The following LCMT1 variants were observed in gnomAD, a reference collection of about 807,000 sequenced individuals.
LCMT1 encodes [Phosphatase 2A protein]-leucine-carboxy methyltransferase 1.
A neutral mutation model predicts 47.7 loss-of-function variants in LCMT1; 32 were observed. The ratio of observed to expected loss-of-function variants is 0.67; its 90% CI spans 0.51 to 0.90. The LOEUF (loss-of-function observed/expected upper bound fraction) is 0.90. Among genes scored for constraint, LCMT1 ranks in the 40% least tolerant of loss-of-function variants. The pLI is 0.00. For synonymous variants in LCMT1, 152 were observed against 149.7 expected, an observed-to-expected ratio of 1.02 and a Z score of -0.11; for missense variants, 375 against 415.2, an observed-to-expected ratio of 0.90 and a Z score of 0.84.
chr16:25,158,954 G>A (rs1020188419), intron 5 of LCMT1: 28 of 152,180 alleles, frequency 1.8e-4, no homozygotes, highest in African/African-American at 6.8e-4. Context: ...ACTGCAGAGT[G>A]GCGGGTGAGC....
intron 3 of LCMT1, among the ~76,000 whole-genome samples, chr16:25,135,076 A>G (rs1960463611): frequency 1.3e-5 from 2 of 152,106 alleles, no homozygotes; most frequent in Non-Finnish European, 2.9e-5. Context: ...CCCGTCTTGT[A>G]GATGGATTAA....
intron 1 of LCMT1, among the ~76,000 whole-genome samples, chr16:25,115,103 A>T (rs1959745268): frequency 6.6e-6 from 1 of 151,982 alleles, no homozygotes; most frequent in East Asian, 1.9e-4. Flanking sequence ...CTGTGCTTTT[A>T]TCCTGATGCT....
rs73563437 is a variant in LCMT1 at position 25,132,301 on chromosome 16, G to A, written c.206-101G>A. 6.9e-4 allele frequency: 951 copies of A among 1,373,930 alleles called. 8 individuals carry two copies. The African/African-American group carries it at 0.013, about 18-fold the overall frequency. 85.1% of individuals were successfully genotyped at this position (1,373,930 alleles called of 1,614,324 possible). ...TTAACCTCTGACACTGCAGAAGGGCGCATGCTCTCTGTTTTGCTCTTCTCC... is the reference window on the plus strand; with the variant it reads ...TTAACCTCTGACACTGCAGAAGGGCACATGCTCTCTGTTTTGCTCTTCTCC... On this transcript the variant is annotated intron_variant, in intron 2 of 10. Coordinates refer to ENST00000399069, the MANE Select transcript of LCMT1 (RefSeq NM_016309.3).
chr16:25,151,841 C>T (rs1000061360), intron 5 of LCMT1, among the ~76,000 whole-genome samples: 4 of 152,066 alleles, frequency 2.6e-5, no homozygotes, highest in Non-Finnish European at 5.9e-5. Flanking sequence ...GGCTGGGAAG[C>T]ACAGCCTCCT....
intron 6 of LCMT1, among the ~76,000 whole-genome samples, chr16:25,163,697 A>G (rs2141701778): frequency 6.6e-6 from 1 of 152,280 alleles, no homozygotes; most frequent in African/African-American, 2.4e-5. Flanking sequence ...AAGTGCCGGG[A>G]AGCATCTGAT....
chr16:25,171,296 C>T (rs1961760135), intron 9 of LCMT1, among the ~76,000 whole-genome samples: 1 of 151,944 alleles, frequency 6.6e-6, no homozygotes, highest in Non-Finnish European at 1.5e-5. Flanking sequence ...CATCTGTAAT[C>T]CCAGCTACTA....
At chr16:25,119,330 A>G (rs1254792724) in intron 1 of LCMT1, among the ~76,000 whole-genome samples, 1 of 151,948 alleles carries the variant, frequency 6.6e-6, no homozygotes, top group Non-Finnish European at 1.5e-5. Flanking sequence ...CTTGGTGGTC[A>G]TCGGCCCAGT....
intron 4 of LCMT1, chr16:25,148,878 A>G (rs1428171165): frequency 6.6e-6 from 1 of 152,212 alleles, no homozygotes; most frequent in Non-Finnish European, 1.5e-5. Flanking sequence ...TTTTCCAGAC[A>G]AGGCTTTTAG....
intron 4 of LCMT1, chr16:25,145,236 C>T (rs1960814729): frequency 6.6e-6 from 1 of 152,162 alleles, no homozygotes; most frequent in Non-Finnish European, 1.5e-5. Flanking sequence ...TGGGGCTGAC[C>T]TTGTATCACC....
chr16:25,168,976 C>T (rs954804491), intron 7 of LCMT1, 136 bp from the exon 8 acceptor site: 10 of 655,080 alleles, frequency 1.5e-5, no homozygotes, highest in East Asian at 8.2e-5. Flanking sequence ...GGTGCCCGCC[C>T]CTCAGTCCGT....
chr16:25,116,737 A>G (rs1473123902), intron 1 of LCMT1, among the ~76,000 whole-genome samples: 1 of 150,592 alleles, frequency 6.6e-6, no homozygotes, highest in Non-Finnish European at 1.5e-5. Context: ...AAAAAAAAAT[A>G]CAAAAAATTA....
chr16:25,120,222 T>C (rs568007336), intron 1 of LCMT1, among the ~76,000 whole-genome samples: 6 of 150,612 alleles, frequency 4.0e-5, no homozygotes, highest in African/African-American at 1.5e-4. Context: ...TTTTATGGGT[T>C]TTTTTGTTTT....
chr16:25,137,968 A>G (rs1012668601), intron 3 of LCMT1, among the ~76,000 whole-genome samples: 2 of 151,984 alleles, frequency 1.3e-5, no homozygotes, highest in Non-Finnish European at 2.9e-5. Flanking sequence ...CTGTCCCTCT[A>G]TACCTGTGCT....
intron 1 of LCMT1, among the ~76,000 whole-genome samples, chr16:25,125,145 G>T (rs1446647534): frequency 6.6e-6 from 1 of 152,208 alleles, no homozygotes; most frequent in African/African-American, 2.4e-5. Flanking sequence ...ATGTGTAATG[G>T]AAATTGACAG....
chr16:25,140,319 T>C, intron 4 of LCMT1, 72 bp downstream of exon 4: 1 of 1,167,992 alleles, frequency 8.6e-7, no homozygotes, highest in Non-Finnish European at 1.3e-6. Context: ...ATGGCAGATC[T>C]GAATGCCAGA....
At chr16:25,133,450 G>GTACAAT (rs2141652958) in intron 3 of LCMT1, among the ~76,000 whole-genome samples, 1 of 126,700 alleles carries the variant, frequency 7.9e-6, no homozygotes, top group African/African-American at 3.0e-5. Flanking sequence ...CCAGGCTGGA[G>GTACAAT]TACAATGCCA....
chr16:25,165,709 G>A (rs181589178), intron 7 of LCMT1, among the ~76,000 whole-genome samples: 5 of 151,686 alleles, frequency 3.3e-5, no homozygotes, highest in Admixed American at 2.6e-4. Context: ...TAGAGATGGG[G>A]TTTCACCATT....
At chr16:25,170,549 G>C (rs1359796029) in intron 8 of LCMT1, among the ~76,000 whole-genome samples, 165 bp from the exon 9 acceptor site, 2 of 152,108 alleles carry the variant, frequency 1.3e-5, no homozygotes, top group Non-Finnish European at 2.9e-5. Flanking sequence ...AGGATCGCTT[G>C]AGCCCGGTGG....
chr16:25,133,438 G>T (rs1036014871), intron 3 of LCMT1, among the ~76,000 whole-genome samples: 1 of 104,984 alleles, frequency 9.5e-6, no homozygotes, highest in African/African-American at 3.7e-5. Flanking sequence ...CTCCTCTGTT[G>T]CCCAGGCTGG....
Sources: allele counts gnomAD v4.1 joint callset (sites outside exome capture counted in the v4.1 genomes callset), GRCh38; gene constraint gnomAD v4.1.1; transcripts MANE v1.5; gene names NCBI Gene and HGNC (gene_info 2026-07-23, HGNC 2026-07-21).